The following RAB6A variants were observed in gnomAD, a reference collection of about 807,000 sequenced individuals.
RAB6A encodes RAB6A, member RAS oncogene family, also known as ras-related protein Rab-6A.
A neutral mutation model predicts 32.3 loss-of-function variants in RAB6A; 8 were observed. The ratio of observed to expected loss-of-function variants is 0.25; its 90% CI spans 0.15 to 0.45. The LOEUF (loss-of-function observed/expected upper bound fraction) is 0.45, where lower values mean the gene tolerates loss of function less well. Ranked by LOEUF, RAB6A falls within the 20% of genes least tolerant of loss-of-function variation. The pLI, the probability that RAB6A is intolerant of heterozygous loss-of-function variation, is 1.00. For synonymous variants in RAB6A, 73 were observed against 82.1 expected (o/e 0.89, Z 0.60); for missense variants, 104 against 249.4 (o/e 0.42, Z 3.93).
intron 6 of RAB6A, among the ~76,000 whole-genome samples, chr11:73,700,909 T>C (rs1945734882): frequency 6.6e-6 from 1 of 152,160 alleles, no homozygotes; most frequent in South Asian, 2.1e-4. Context: ...GAAGGCAAAG[T>C]AGTATTATTG....
At chr11:73,711,620 T>C (rs1172154912) in intron 5 of RAB6A, among the ~76,000 whole-genome samples, 1 of 152,236 alleles carries the variant, frequency 6.6e-6, no homozygotes, top group Non-Finnish European at 1.5e-5. Flanking sequence ...CTCTTACCAG[T>C]GTATCTTGAG....
At chr11:73,736,977 C>CAA (rs535172648) in intron 1 of RAB6A, among the ~76,000 whole-genome samples, 2,056 of 64,728 alleles carry the variant, frequency 0.032, 90 homozygotes, top group African/African-American at 0.1. Context: ...GACACTGTCT[C>CAA]AAAAAAAAAA....
rs1393411671 is a variant in RAB6A at position 73,722,367 on chromosome 11, T to TTTTTTTG, written c.130-1469_130-1468insCAAAAAA. ...TATTTTTTTTTTTTTTTTTTTTTTTTGAGACAGTCTCACACTCTTGCCCAA... is the reference window on the plus strand; with the variant it reads ...TATTTTTTTTTTTTTTTTTTTTTTTTTTTTTTGGAGACAGTCTCACACTCTTGCCCAA... On this transcript the variant is annotated intron_variant, in intron 2 of 7. Transcript: ENST00000336083. 6.0e-4 allele frequency: 49 copies of TTTTTTTG among 81,762 alleles called. 7 individuals carry two copies. The highest frequency in any genetic ancestry group is 1.3e-3 in the East Asian group (4 of 3,130). 5.1% of individuals were successfully genotyped at this position (81,762 alleles called of 1,614,324 possible). A position where few individuals can be genotyped will look rare whatever the true frequency, so the allele number is the denominator to read the frequency against.
At chr11:73,758,358 T>C (rs879843115) in intron 1 of RAB6A, among the ~76,000 whole-genome samples, 1 of 152,190 alleles carries the variant, frequency 6.6e-6, no homozygotes, top group African/African-American at 2.4e-5. Context: ...TCAATATTAG[T>C]TCATTAATTG....
intron 3 of RAB6A, 41 bp downstream of exon 3, chr11:73,720,805 T>A (rs755630685): frequency 1.4e-6 from 2 of 1,469,770 alleles, no homozygotes; most frequent in Non-Finnish European, 1.9e-6. Flanking sequence ...TTTTCTAACC[T>A]GGAATGTTGC....
rs1306681489 is a variant in RAB6A at position 73,694,456 on chromosome 11, T to G, written c.495+12964A>C. ...TAGTATAAATGGAGTATTTTTTATA[T>G]GGAAAGCACTGTGAAAGGGCTATGT... On this transcript the variant is annotated intron_variant, in intron 6 of 7. Coordinates refer to ENST00000336083, the MANE Select transcript of RAB6A (RefSeq NM_198896.2). Among the ~76,000 whole-genome samples the G allele has an allele frequency of 2.0e-5, 3 of 152,206 alleles. No individual in the cohort carries two copies. In the East Asian group the frequency reaches 5.8e-4, roughly 29 times the overall value.
intron 6 of RAB6A, among the ~76,000 whole-genome samples, chr11:73,682,418 C>CT (rs1945374689): frequency 6.6e-6 from 1 of 152,180 alleles, no homozygotes; most frequent in African/African-American, 2.4e-5. Flanking sequence ...AATCCCAGTA[C>CT]TTTGAGAGGC....
intron 1 of RAB6A, among the ~76,000 whole-genome samples, chr11:73,742,244 T>C (rs1179378888): frequency 2.0e-5 from 3 of 152,046 alleles, no homozygotes. Context: ...ATTGTGCCAC[T>C]GCACTCCAGC....
At chr11:73,709,266 T>G (rs1015482902) in intron 5 of RAB6A, among the ~76,000 whole-genome samples, 1 of 151,980 alleles carries the variant, frequency 6.6e-6, no homozygotes, top group South Asian at 2.1e-4. Flanking sequence ...ATGTCCTTTA[T>G]AGCAAATTAA....
At chr11:73,746,247 T>G (rs1282681168) in intron 1 of RAB6A, among the ~76,000 whole-genome samples, 2 of 152,186 alleles carry the variant, frequency 1.3e-5, no homozygotes, top group Non-Finnish European at 2.9e-5. Context: ...ATAACTTTTG[T>G]AAGAATGAGA....
chr11:73,732,729 C>G (rs1490021220), intron 1 of RAB6A, among the ~76,000 whole-genome samples: 2 of 152,194 alleles, frequency 1.3e-5, no homozygotes, highest in Non-Finnish European at 2.9e-5. Context: ...CACTGTACTA[C>G]AGTCTGGGCG....
chr11:73,753,153 G>A (rs1455021165), intron 1 of RAB6A, among the ~76,000 whole-genome samples: 2 of 152,164 alleles, frequency 1.3e-5, no homozygotes, highest in South Asian at 2.1e-4. Context: ...CAGAGGCTGA[G>A]GTGGGAGGAT....
At chr11:73,739,284 A>AAAAAAAAAAATATATAT (rs1208877325) in intron 1 of RAB6A, among the ~76,000 whole-genome samples, 1 of 6,762 alleles carries the variant, frequency 1.5e-4, no homozygotes, top group Non-Finnish European at 3.4e-4. Context: ...AAAAAAAAAA[A>AAAAAAAAAAATATATAT]ATATATATAT....
At chr11:73,679,016 G>A (rs949131161) in intron 7 of RAB6A, among the ~76,000 whole-genome samples, 5 of 152,080 alleles carry the variant, frequency 3.3e-5, no homozygotes, top group African/African-American at 9.7e-5. Context: ...ATAAGCCACC[G>A]CGCCCGGCCT....
chr11:73,731,319 T>A (rs906397802), intron 1 of RAB6A, among the ~76,000 whole-genome samples: 1 of 151,800 alleles, frequency 6.6e-6, no homozygotes, highest in Non-Finnish European at 1.5e-5. Context: ...CCAACGTGGG[T>A]GGATCACGAG....
At chr11:73,731,182 TG>T (rs1367233403) in intron 1 of RAB6A, among the ~76,000 whole-genome samples, 6 of 152,072 alleles carry the variant, frequency 3.9e-5, no homozygotes, top group Admixed American at 6.6e-5. Flanking sequence ...GTATAATCCC[TG>T]GGAGTAGAAA....
intron 6 of RAB6A, among the ~76,000 whole-genome samples, chr11:73,693,674 C>A (rs1427742519): frequency 6.6e-6 from 1 of 150,842 alleles, no homozygotes; most frequent in African/African-American, 2.4e-5. Context: ...CACTTGAGCT[C>A]AGGGGTTCAA....
At chr11:73,760,493 CGGAAGGGCCGCACCGGGGGCGGTG>C (rs1946828700) in intron 1 of RAB6A, 49 bp downstream of exon 1, 1 of 1,517,564 alleles carries the variant, frequency 6.6e-7, no homozygotes, top group African/African-American at 1.4e-5. Context: ...CCTCCGCGGA[CGGAAGGGCCGCACCGGGGGCGGTG>C]CGGGGACGCT....
chr11:73,750,740 T>G (rs1323772627), intron 1 of RAB6A, among the ~76,000 whole-genome samples: 2 of 152,246 alleles, frequency 1.3e-5, no homozygotes, highest in African/African-American at 2.4e-5. Flanking sequence ...GGATGGATAC[T>G]TGTTTGCCTC....
Sources: allele counts gnomAD v4.1 joint callset (sites outside exome capture counted in the v4.1 genomes callset), GRCh38; gene constraint gnomAD v4.1.1; transcripts MANE v1.5; gene names NCBI Gene and HGNC (gene_info 2026-07-23, HGNC 2026-07-21).